SH3PXD2A: variants seen among roughly 807,000 people sequenced by gnomAD.
The protein encoded by SH3PXD2A is SH3 and PX domains 2A.
A neutral mutation model predicts 115.2 loss-of-function variants in SH3PXD2A; 32 were observed. The ratio of observed to expected loss-of-function variants is 0.28; its 90% CI spans 0.21 to 0.37. SH3PXD2A has a LOEUF of 0.37. Among genes scored for constraint, SH3PXD2A ranks in the 10% least tolerant of loss-of-function variants. The pLI is 1.00. For synonymous variants in SH3PXD2A, 610 were observed against 629.1 expected, an observed-to-expected ratio of 0.97 and a Z score of 0.45; for missense variants, 1,328 against 1,498.7, an observed-to-expected ratio of 0.89 and a Z score of 1.88.
chr10:103,692,401 G>T (rs2037764784), intron 6 of SH3PXD2A, among the ~76,000 whole-genome samples: 1 of 152,208 alleles, frequency 6.6e-6, no homozygotes, highest in Admixed American at 6.5e-5. Context: ...GAGGGGGTTG[G>T]GGGGGTCGGG....
intron 3 of SH3PXD2A, among the ~76,000 whole-genome samples, chr10:103,745,761 A>T (rs1372510297): frequency 1.3e-5 from 2 of 151,856 alleles, no homozygotes; most frequent in Non-Finnish European, 2.9e-5. Context: ...GCCCTTCCTG[A>T]TTCACCCAAC....
chr10:103,829,917 G>T (rs1040590846), intron 1 of SH3PXD2A, among the ~76,000 whole-genome samples: 5 of 152,234 alleles, frequency 3.3e-5, no homozygotes, highest in African/African-American at 7.2e-5. Flanking sequence ...TGCAAGCAAA[G>T]CTACAGGTCC....
chr10:103,701,881 TCCATCCATCCATCCA>T (rs1161687862), intron 5 of SH3PXD2A, among the ~76,000 whole-genome samples: 1 of 148,892 alleles, frequency 6.7e-6, no homozygotes, highest in Non-Finnish European at 1.5e-5. Flanking sequence ...CCATCTATCA[TCCATCCATCCATCCA>T]CCATCCAGCC....
At chr10:103,718,384 C>T (rs928001414) in intron 5 of SH3PXD2A, among the ~76,000 whole-genome samples, 5 of 152,202 alleles carry the variant, frequency 3.3e-5, no homozygotes, top group Non-Finnish European at 7.3e-5. Context: ...CAAGCTGTCA[C>T]ATGGCTCCCC....
chr10:103,828,925 A>G (rs980218158), intron 1 of SH3PXD2A, among the ~76,000 whole-genome samples: 1 of 152,102 alleles, frequency 6.6e-6, no homozygotes, highest in Non-Finnish European at 1.5e-5. Flanking sequence ...CTGCAGCTGC[A>G]TCTGGAATAC....
intron 2 of SH3PXD2A, among the ~76,000 whole-genome samples, chr10:103,789,667 A>C (rs1476359965): frequency 2.0e-5 from 3 of 152,194 alleles, no homozygotes; most frequent in Non-Finnish European, 4.4e-5. Context: ...GGTTATCCAA[A>C]GAGGGGTAAG....
chr10:103,646,328 T>A lies in SH3PXD2A; in HGVS notation c.604+14655A>T, dbSNP rs1401011226. 1.3e-5 allele frequency among the ~76,000 whole-genome samples: 2 copies of A among 152,110 alleles called. 1 individual carries two copies. The highest frequency in any genetic ancestry group is 2.9e-5 in the Non-Finnish European group (2 of 68,038). On this transcript the variant is annotated intron_variant, in intron 8 of 14. Coordinates refer to ENST00000369774, the MANE Select transcript of SH3PXD2A (RefSeq NM_001394015.1). Reference sequence around the variant, plus strand: ...TCTTGGTTCCCAAGAATTGGTCTAGTACGGATCCCACCCCAATCCAAGGAG... The same window carrying A: ...TCTTGGTTCCCAAGAATTGGTCTAGAACGGATCCCACCCCAATCCAAGGAG...
chr10:103,726,880 T>A (rs552569789), intron 4 of SH3PXD2A, among the ~76,000 whole-genome samples: 2 of 152,162 alleles, frequency 1.3e-5, no homozygotes, highest in Non-Finnish European at 2.9e-5. Context: ...GAGAGCATGA[T>A]GTAACCCTCA....
intron 1 of SH3PXD2A, among the ~76,000 whole-genome samples, chr10:103,838,558 A>C (rs1255748031): frequency 6.9e-6 from 1 of 145,906 alleles, no homozygotes; most frequent in East Asian, 1.9e-4. Context: ...CATTCTCTTC[A>C]CTAATGTGTC....
intron 6 of SH3PXD2A, among the ~76,000 whole-genome samples, chr10:103,672,305 G>A (rs953476706): frequency 9.2e-5 from 14 of 152,126 alleles, no homozygotes; most frequent in Non-Finnish European, 1.9e-4. Flanking sequence ...TAAATACTCC[G>A]GGCCTCAGTG....
In SH3PXD2A at chr10:103,665,637, C is replaced by T. The variant is rs891319358; in HGVS notation, c.472+2971G>A. ...GTGTTCCCTGGCCAGGGCAGCCGGG[C>T]GGGCGGGAGCTGCGAGCAGGTATCC... On this transcript the variant is annotated intron_variant, in intron 7 of 14. Transcript: ENST00000369774. This position sits in a 1 kb window ranked among gnomAD's most constrained non-coding sequence, Gnocchi z 4.0. 1.3e-5 allele frequency among the ~76,000 whole-genome samples: 2 copies of T among 152,134 alleles called. No homozygotes were observed. Among genetic ancestry groups the T allele is most frequent in the African/African-American group, 4.8e-5 (2 of 41,432 alleles).
chr10:103,780,003 A>C (rs1476629413), intron 2 of SH3PXD2A, among the ~76,000 whole-genome samples: 2 of 152,252 alleles, frequency 1.3e-5, no homozygotes, highest in African/African-American at 2.4e-5. Flanking sequence ...CCACACCCCT[A>C]GCCCCAATTG....
intron 8 of SH3PXD2A, among the ~76,000 whole-genome samples, chr10:103,635,665 C>A (rs1158166457): frequency 1.3e-5 from 2 of 152,230 alleles, no homozygotes; most frequent in Non-Finnish European, 2.9e-5. Context: ...CAGGGCTAAA[C>A]CCCTAGACCG....
chr10:103,639,333 C>T (rs998858468), intron 8 of SH3PXD2A, among the ~76,000 whole-genome samples: 21 of 152,112 alleles, frequency 1.4e-4, no homozygotes, highest in Admixed American at 3.3e-4. Flanking sequence ...CATTCAAGGC[C>T]GGGCATGGTG....
chr10:103,668,350 A>G (rs1019172737), intron 7 of SH3PXD2A, among the ~76,000 whole-genome samples: 1 of 152,252 alleles, frequency 6.6e-6, no homozygotes, highest in African/African-American at 2.4e-5. Flanking sequence ...GCAGAGCTGG[A>G]ATTCAGACCC....
chr10:103,641,890 T>C (rs533053834), intron 8 of SH3PXD2A, among the ~76,000 whole-genome samples: 1 of 152,280 alleles, frequency 6.6e-6, no homozygotes, highest in African/African-American at 2.4e-5. Flanking sequence ...GAATCTGCTT[T>C]CCCCAAACCT....
At chr10:103,724,645 A>G (rs889304615) in intron 4 of SH3PXD2A, among the ~76,000 whole-genome samples, 8 of 152,134 alleles carry the variant, frequency 5.3e-5, no homozygotes, top group Non-Finnish European at 2.9e-5. Context: ...CAACCAGCCA[A>G]TTAATCAACA....
At chr10:103,771,238 T>C (rs1244454813) in intron 2 of SH3PXD2A, among the ~76,000 whole-genome samples, 1 of 152,190 alleles carries the variant, frequency 6.6e-6, no homozygotes, top group Non-Finnish European at 1.5e-5. Context: ...CTACCAAAAC[T>C]TGACATTTTT....
intron 3 of SH3PXD2A, among the ~76,000 whole-genome samples, chr10:103,758,269 A>T (rs1367177021): frequency 6.6e-6 from 1 of 151,962 alleles, no homozygotes; most frequent in Non-Finnish European, 1.5e-5. Flanking sequence ...CGGTGGTCCG[A>T]CTAAGGTTAC....
Sources: allele counts gnomAD v4.1 joint callset (sites outside exome capture counted in the v4.1 genomes callset), GRCh38; gene constraint gnomAD v4.1.1; non-coding constraint Gnocchi (gnomAD v3.1); transcripts MANE v1.5; gene names NCBI Gene and HGNC (gene_info 2026-07-23, HGNC 2026-07-21).